The following KRT85 variants were observed in gnomAD, a reference collection of about 807,000 sequenced individuals.
The protein encoded by KRT85 is keratin 85, also known as keratin, type II cuticular Hb5.
In KRT85, 39 loss-of-function variants were observed where a neutral mutation model predicts 53.7. The observed-to-expected ratio is 0.73, with a 90% CI of 0.56 to 0.95. The LOEUF is 0.95. Ranked by LOEUF, KRT85 falls within the 40% of genes least tolerant of loss-of-function variation. The pLI, the probability that KRT85 is intolerant of heterozygous loss-of-function variation, is 0.00. For missense variants in KRT85, 668 were observed against 686.0 expected, an observed-to-expected ratio of 0.97 and a Z score of 0.29; for synonymous variants, 291 against 277.5, an observed-to-expected ratio of 1.05 and a Z score of -0.48.
chr12:52,363,880 G>A (rs927631035), intron 4 of KRT85, among the ~76,000 whole-genome samples, 188 bp downstream of exon 4: 2 of 152,230 alleles, frequency 1.3e-5, no homozygotes, highest in Non-Finnish European at 2.9e-5. Flanking sequence ...TACACCCCAT[G>A]CTCCTCTCAC....
intron 4 of KRT85, 74 bp downstream of exon 4, chr12:52,363,994 C>A: frequency 1.8e-6 from 2 of 1,130,908 alleles, no homozygotes; most frequent in South Asian, 2.5e-5. Context: ...CACACATGCA[C>A]CCTTGCCTCA....
Position 52,364,327 on chromosome 12 carries a change from A to G in KRT85, c.669T>C (p.Asn223=). The G allele has an allele frequency of 1.2e-6, 2 of 1,614,066 alleles. No individual in the cohort carries two copies. The highest frequency in any genetic ancestry group is 1.1e-5 in the South Asian group (1 of 91,074). The change falls in exon 3 of 9, where the codon AAT becomes AAC. Residue 223 remains asparagine, a synonymous_variant. Coordinates refer to ENST00000257901, the MANE Select transcript of KRT85 (RefSeq NM_002283.4). ...EEVALRATAE[N]EFVVLKKDVD... ...TCACCTTCTTTAGAACGACAAACTC[A>G]TTCTCTGCTGTGGCTCTCAGGGCCA... is the stretch of plus-strand genomic sequence containing the variant.
chr12:52,366,981 C>T lies in KRT85; in HGVS notation c.420+5G>A. ...CTTCTCTGGGCCGTCTCAGGCCTCACCCACCTTGTCGATGAAGGCCGCGAA... is the reference window on the plus strand; with the variant it reads ...CTTCTCTGGGCCGTCTCAGGCCTCATCCACCTTGTCGATGAAGGCCGCGAA... On this transcript the variant is annotated splice_donor_5th_base_variant and intron_variant, in intron 1 of 8. Coordinates refer to ENST00000257901, the MANE Select transcript of KRT85 (RefSeq NM_002283.4). 6.2e-7 allele frequency: 1 copy of T among 1,614,008 alleles called. No individual in the cohort carries two copies. The highest frequency in any genetic ancestry group is 8.5e-7 in the Non-Finnish European group (1 of 1,179,880).
chr12:52,363,077 T>G, intron 5 of KRT85, 98 bp from the exon 6 acceptor site: 1 of 1,592,258 alleles, frequency 6.3e-7, no homozygotes. Flanking sequence ...GCTCAGCCTG[T>G]GCAACCACAC....
chr12:52,365,235 T>G, intron 1 of KRT85, 65 bp from the exon 2 acceptor site: 1 of 1,543,558 alleles, frequency 6.5e-7, no homozygotes, highest in Non-Finnish European at 8.9e-7. Context: ...TCCCCCACAG[T>G]CTCTCTGCCC....
At chr12:52,366,965 G>GCCGTCTC (rs1253303985) in intron 1 of KRT85, 21 bp downstream of exon 1, 4 of 1,613,954 alleles carry the variant, frequency 2.5e-6, no homozygotes, top group Non-Finnish European at 3.4e-6. Context: ...GCTTCTCTGG[G>GCCGTCTC]CCGTCTCAGG....
In KRT85 at chr12:52,364,149, G is replaced by A; in HGVS notation, c.705C>T (p.Ala235=). The A allele has an allele frequency of 1.9e-6, 3 of 1,614,190 alleles. No individual in the cohort carries two copies. The highest frequency in any genetic ancestry group is 2.5e-6 in the Non-Finnish European group (3 of 1,180,044). The change falls in exon 4 of 9, where the codon GCC becomes GCT. Residue 235 remains alanine, a synonymous_variant. Coordinates refer to ENST00000257901, the MANE Select transcript of KRT85 (RefSeq NM_002283.4). ...CCTCCAGGTCTGATTTCCGCAGGTA[G>A]GCACAGTCCACGTCCTGGCCGTGGG... The part of the protein sequence containing the change: ...FVVLKKDVDC[A]YLRKSDLEAN...
In KRT85 at chr12:52,367,192, G is replaced by C. The variant is rs1292470389; in HGVS notation, c.214C>G (p.Arg72Gly). The part of the protein sequence containing the change: ...CGPRIAVGGF[R>G]AGSCGRSFGY... ...AAGCTGCGTCCGCAGGAGCCGGCTCGGAAGCCACCTACAGCTATCCGGGGC... is the reference window on the plus strand; with the variant it reads ...AAGCTGCGTCCGCAGGAGCCGGCTCCGAAGCCACCTACAGCTATCCGGGGC... The change falls in exon 1 of 9, where the codon CGA (arginine) becomes GGA (glycine). Residue 72 changes from arginine (R) to glycine (G), a missense_variant. Transcript: ENST00000257901. 2 of 1,613,734 alleles carry C rather than the reference G, an allele frequency of 1.2e-6. No individual in the cohort carries two copies. Among genetic ancestry groups the C allele is most frequent in the Non-Finnish European group, 1.7e-6 (2 of 1,179,980 alleles).
intron 3 of KRT85, 41 bp downstream of exon 3, chr12:52,364,265 T>G: frequency 6.2e-7 from 1 of 1,613,862 alleles, no homozygotes; most frequent in South Asian, 1.1e-5. Context: ...GAGTTTGCAC[T>G]GATGGGCCCC....
chr12:52,363,650 G>A (rs1368105014), intron 4 of KRT85, among the ~76,000 whole-genome samples: 2 of 152,216 alleles, frequency 1.3e-5, no homozygotes, highest in African/African-American at 4.8e-5. Context: ...CCCAGAGGGT[G>A]AAAAAGATCT....
chr12:52,361,054 G>C lies in KRT85; in HGVS notation c.1331-8C>G. ...CACGGGAGCTGCTGACACCTGTGGA[G>C]AGAGGAGACATGGAGGGGTGAGCAG... On this transcript the variant is annotated splice_region_variant and splice_polypyrimidine_tract_variant and intron_variant, in intron 8 of 8. Coordinates refer to ENST00000257901, the MANE Select transcript of KRT85 (RefSeq NM_002283.4). 1 of 1,607,736 alleles carries C rather than the reference G, an allele frequency of 6.2e-7. No individual in the cohort carries two copies. Among genetic ancestry groups the C allele is most frequent in the Non-Finnish European group, 8.5e-7 (1 of 1,176,696 alleles).
Position 52,366,967 on chromosome 12 carries a change from C to T in KRT85, c.420+19G>A, listed in dbSNP as rs758779903. 5.6e-6 allele frequency: 9 copies of T among 1,613,862 alleles called. No individual in the cohort carries two copies. Among genetic ancestry groups the T allele is most frequent in the Non-Finnish European group, 7.6e-6 (9 of 1,179,882 alleles). On this transcript the variant is annotated intron_variant, in intron 1 of 8. Transcript: ENST00000257901. ...GACAGGGCTGGAGGCTTCTCTGGGC[C>T]GTCTCAGGCCTCACCCACCTTGTCG...
Position 52,366,973 on chromosome 12 carries a change from A to T in KRT85, c.420+13T>A. The T allele has an allele frequency of 6.2e-7, 1 of 1,614,000 alleles. No individual in the cohort carries two copies. The highest frequency in any genetic ancestry group is 8.5e-7 in the Non-Finnish European group (1 of 1,179,872). On this transcript the variant is annotated intron_variant, in intron 1 of 8. Transcript: ENST00000257901. ...GCTGGAGGCTTCTCTGGGCCGTCTC[A>T]GGCCTCACCCACCTTGTCGATGAAG...
chr12:52,365,208 T>C, intron 1 of KRT85, 38 bp from the exon 2 acceptor site: 1 of 1,607,708 alleles, frequency 6.2e-7, no homozygotes, highest in Non-Finnish European at 8.5e-7. Flanking sequence ...AGAGGGAGCC[T>C]GGGGGGAGGC....
chr12:52,364,192 T>C, intron 3 of KRT85, 29 bp from the exon 4 acceptor site: 2 of 1,613,290 alleles, frequency 1.2e-6, no homozygotes, highest in South Asian at 1.1e-5. Flanking sequence ...GGAGGGGACA[T>C]GCATGTGAGA....
At chr12:52,362,718 G>A (rs760408331) in intron 6 of KRT85, 136 bp downstream of exon 6, 21 of 1,417,056 alleles carry the variant, frequency 1.5e-5, no homozygotes, top group Non-Finnish European at 1.9e-5. Flanking sequence ...GACATGGTCT[G>A]ATTGCTGTGA....
intron 1 of KRT85, among the ~76,000 whole-genome samples, chr12:52,366,331 T>A (rs747034886): frequency 1.3e-5 from 2 of 152,254 alleles, no homozygotes; most frequent in Non-Finnish European, 2.9e-5. Flanking sequence ...TTTGCCATCA[T>A]GTTTCATGCA....
intron 8 of KRT85, 114 bp from the exon 9 acceptor site, chr12:52,361,160 A>G: frequency 1.1e-6 from 1 of 942,568 alleles, no homozygotes; most frequent in Non-Finnish European, 1.7e-6. Flanking sequence ...TTGGTGGTCA[A>G]CAATGCAGGC....
In KRT85 at chr12:52,364,301, C is replaced by T. The variant is rs761797456; in HGVS notation, c.690+5G>A. 3 of 1,614,082 alleles carry T rather than the reference C, an allele frequency of 1.9e-6. No individual in the cohort carries two copies. Among genetic ancestry groups the T allele is most frequent in the Non-Finnish European group, 2.5e-6 (3 of 1,180,032 alleles). On this transcript the variant is annotated splice_donor_5th_base_variant and intron_variant, in intron 3 of 8. Transcript: ENST00000257901. ...CTCCTCCTTGCCCCATGACCAGCCC[C>T]TCACCTTCTTTAGAACGACAAACTC...
Sources: gnomAD v4.1 joint callset for allele counts (sites outside exome capture counted in the v4.1 genomes callset) on GRCh38, gnomAD v4.1.1 for gene constraint, MANE v1.5 for transcripts, NCBI Gene and HGNC (gene_info 2026-07-23, HGNC 2026-07-21) for gene names.